FHIT: variants seen among roughly 807,000 people sequenced by gnomAD.
FHIT encodes the protein bis(5'-adenosyl)-triphosphatase.
Under a neutral mutation model 17.9 loss-of-function variants are expected in FHIT, and 19 were observed. The observed-to-expected ratio is 1.06, with a 90% CI of 0.74 to 1.56. The LOEUF (loss-of-function observed/expected upper bound fraction) is 1.56, where lower values mean the gene tolerates loss of function less well. Ranked by LOEUF, FHIT falls within the 40% of genes most tolerant of loss-of-function variation. FHIT has a pLI of 0.00. For missense variants in FHIT, 248 were observed against 189.2 expected (o/e 1.31, Z -1.82); for synonymous variants, 81 against 69.7 (o/e 1.16, Z -0.81).
At chr3:61,095,660 A>C (rs1379427738) in intron 2 of FHIT, among the ~76,000 whole-genome samples, 1 of 152,082 alleles carries the variant, frequency 6.6e-6, no homozygotes, top group East Asian at 1.9e-4. Flanking sequence ...TTAAAAAAAA[A>C]AATTCATCTT....
intron 5 of FHIT, among the ~76,000 whole-genome samples, chr3:60,450,962 T>A (rs1559924739): frequency 6.6e-6 from 1 of 152,176 alleles, no homozygotes; most frequent in Non-Finnish European, 1.5e-5. Flanking sequence ...ATAAAACTTC[T>A]TAATTAATTG....
chr3:59,871,017 A>G (rs190910303), intron 8 of FHIT, among the ~76,000 whole-genome samples: 65 of 152,266 alleles, frequency 4.3e-4, no homozygotes, highest in Non-Finnish European at 7.4e-4. Flanking sequence ...TCCTTGTTCA[A>G]TAGGATAAGG....
At chr3:61,078,480 T>A (rs1402591761) in intron 2 of FHIT, among the ~76,000 whole-genome samples, 8 of 152,088 alleles carry the variant, frequency 5.3e-5, no homozygotes, top group African/African-American at 1.9e-4. Context: ...GTGGAAAACA[T>A]TACACAGGCA....
At chr3:61,130,129 C>A (rs1037333227) in intron 2 of FHIT, among the ~76,000 whole-genome samples, 2 of 149,354 alleles carry the variant, frequency 1.3e-5, no homozygotes, top group Non-Finnish European at 3.0e-5. Context: ...GAGATGATAA[C>A]AATAAAAGTA....
intron 4 of FHIT, among the ~76,000 whole-genome samples, chr3:60,753,493 G>A (rs2042510387): frequency 6.6e-6 from 1 of 152,166 alleles, no homozygotes; most frequent in African/African-American, 2.4e-5. Flanking sequence ...ACATCCCCCA[G>A]GTAAGGGAGC....
At chr3:59,862,578 C>A (rs1180727982) in intron 8 of FHIT, among the ~76,000 whole-genome samples, 1 of 152,154 alleles carries the variant, frequency 6.6e-6, no homozygotes, top group African/African-American at 2.4e-5. Flanking sequence ...TTTCACAGGT[C>A]CCCATTCTGG....
chr3:60,076,335 T>A (rs1703004648), intron 5 of FHIT, among the ~76,000 whole-genome samples: 1 of 152,124 alleles, frequency 6.6e-6, no homozygotes, highest in Non-Finnish European at 1.5e-5. Context: ...GGTCCAGTAC[T>A]GTAATATTAA....
At chr3:59,990,892 A>T (rs1709198462) in intron 7 of FHIT, among the ~76,000 whole-genome samples, 1 of 151,878 alleles carries the variant, frequency 6.6e-6, no homozygotes, top group Non-Finnish European at 1.5e-5. Context: ...AAAAGATTCC[A>T]GGAAATAATT....
chr3:60,208,340 C>G (rs569122942), intron 5 of FHIT, among the ~76,000 whole-genome samples: 1 of 152,068 alleles, frequency 6.6e-6, no homozygotes, highest in African/African-American at 2.4e-5. Context: ...TTTGCCAAAT[C>G]AGAGGTAGGC....
chr3:60,515,415 A>G (rs928657995), intron 5 of FHIT, among the ~76,000 whole-genome samples: 3 of 152,178 alleles, frequency 2.0e-5, no homozygotes, highest in African/African-American at 7.2e-5. Context: ...GAGGAATGAC[A>G]CCATTAATAT....
chr3:60,397,428 C>G (rs1319864642), intron 5 of FHIT, among the ~76,000 whole-genome samples: 1 of 152,124 alleles, frequency 6.6e-6, no homozygotes, highest in Non-Finnish European at 1.5e-5. Flanking sequence ...GGCAGGCCAA[C>G]TAGGAGTCCT....
At chr3:59,959,917 G>A (rs753088695) in intron 7 of FHIT, among the ~76,000 whole-genome samples, 1 of 152,110 alleles carries the variant, frequency 6.6e-6, no homozygotes, top group Non-Finnish European at 1.5e-5. Context: ...TGGGGCTAGA[G>A]AACTAATAAG....
At chr3:61,219,350 TGTGTGTGTG>T (rs1260608393) in intron 1 of FHIT, among the ~76,000 whole-genome samples, 2 of 151,778 alleles carry the variant, frequency 1.3e-5, no homozygotes, top group South Asian at 2.1e-4. Context: ...TGTGTGTGTG[TGTGTGTGTG>T]TGTGTTTGTG....
chr3:60,013,979 A>T lies in FHIT; in HGVS notation c.249+28T>A, dbSNP rs752126979. On this transcript the variant is annotated intron_variant, in intron 6 of 9. Transcript: ENST00000492590. ...TGCCGGGATATGAAAGGGAAGAAAA[A>T]TCATTTCTGAGAAATCTGTACACTC... is the stretch of plus-strand genomic sequence containing the variant. 1.3e-5 allele frequency: 21 copies of T among 1,610,394 alleles called. 1 individual carries two copies. In the South Asian group the frequency reaches 2.3e-4, roughly 18 times the overall value.
chr3:60,146,434 C>G lies in FHIT; in HGVS notation c.104-132282G>C, dbSNP rs75220574. On this transcript the variant is annotated intron_variant, in intron 5 of 9. Coordinates refer to ENST00000492590, the MANE Select transcript of FHIT (RefSeq NM_002012.4). ...AACAATATCATAAACACCCCATCCT[C>G]TCTTCTCTTTTTCCTGCTTTACTTC... 4.0e-3 allele frequency among the ~76,000 whole-genome samples: 611 copies of G among 152,106 alleles called. 7 individuals carry two copies. Among genetic ancestry groups the G allele is most frequent in the Admixed American group, 6.2e-3 (94 of 15,254 alleles).
chr3:60,111,172 T>C (rs986339337), intron 5 of FHIT, among the ~76,000 whole-genome samples: 13 of 152,196 alleles, frequency 8.5e-5, no homozygotes. Flanking sequence ...TGTCACCGCA[T>C]ATTGATTTTT....
chr3:60,729,843 G>T (rs2041992514), intron 4 of FHIT, among the ~76,000 whole-genome samples: 1 of 151,960 alleles, frequency 6.6e-6, no homozygotes, highest in African/African-American at 2.4e-5. Context: ...CATTTAATTA[G>T]GAAATTATGC....
intron 5 of FHIT, among the ~76,000 whole-genome samples, chr3:60,443,664 A>G (rs1343927408): frequency 3.9e-5 from 6 of 152,094 alleles, no homozygotes; most frequent in Non-Finnish European, 7.3e-5. Context: ...GTGCTGCTGG[A>G]TTCAGTTTGC....
intron 5 of FHIT, among the ~76,000 whole-genome samples, chr3:60,468,470 G>A (rs2032916593): frequency 6.6e-6 from 1 of 151,936 alleles, no homozygotes; most frequent in East Asian, 1.9e-4. Context: ...TCTGTTTTAA[G>A]TTTTTGCTTT....
Sources: allele counts gnomAD v4.1 joint callset (sites outside exome capture counted in the v4.1 genomes callset), GRCh38; gene constraint gnomAD v4.1.1; transcripts MANE v1.5; gene names NCBI Gene and HGNC (gene_info 2026-07-23, HGNC 2026-07-21).